STK33: variants seen among roughly 807,000 people sequenced by gnomAD.
The protein encoded by STK33 is serine/threonine-protein kinase 33.
In STK33, 52 loss-of-function variants were observed where a neutral mutation model predicts 58.0. The ratio of observed to expected loss-of-function variants is 0.90; its 90% CI spans 0.72 to 1.13. The LOEUF is 1.13. Ranked by LOEUF, STK33 falls within the 50% of genes most tolerant of loss-of-function variation. The pLI is 0.00. For synonymous variants in STK33, 215 were observed against 200.1 expected (o/e 1.07, Z -0.63); for missense variants, 630 against 604.2 (o/e 1.04, Z -0.45).
the STK33 span, among the ~76,000 whole-genome samples, chr11:8,358,935 G>C: frequency 6.6e-6 from 1 of 152,192 alleles, no homozygotes; most frequent in Non-Finnish European, 1.5e-5. Flanking sequence ...GTGAGCATCA[G>C]CAATGGGACA....
rs185363886 is a variant in STK33, at chr11:8,492,164, G to C, written c.-465-11550C>G. 5.5e-4 allele frequency among the ~76,000 whole-genome samples: 84 copies of C among 152,218 alleles called. 1 individual carries two copies. The highest frequency in any genetic ancestry group is 1.9e-3 in the African/African-American group (80 of 41,520). On this transcript the variant is annotated intron_variant, in intron 1 of 15. Transcript: ENST00000687296. ...CACAGACTGGCCAATGAGATAAAGA[G>C]TCAAGACCCATCAGTGTGCTGTATT...
In STK33 at chr11:8,532,452, T is replaced by TG. The variant is rs1954629278; in HGVS notation, c.-465-51839_-465-51838insC. Among the ~76,000 whole-genome samples, 4 of 152,360 alleles carry TG rather than the reference T, an allele frequency of 2.6e-5. No individual in the cohort carries two copies. In the East Asian group the frequency reaches 5.8e-4, roughly 22 times the overall value. On this transcript the variant is annotated intron_variant, in intron 1 of 15. Coordinates refer to ENST00000687296, the MANE Select transcript of STK33 (RefSeq NM_001352389.2). ...ACCTAAAATACTTGCCATCTGGCCCTTTGCCCAAAAAGTTTACCGTGCCCT... is the reference window on the plus strand; with the variant it reads ...ACCTAAAATACTTGCCATCTGGCCCTGTTGCCCAAAAAGTTTACCGTGCCCT...
At chr11:8,423,013 T>A (rs1230537627) in intron 14 of STK33, among the ~76,000 whole-genome samples, 2 of 149,190 alleles carry the variant, frequency 1.3e-5, no homozygotes, top group Non-Finnish European at 3.0e-5. Flanking sequence ...GCTGATTTTT[T>A]AAATTTTTTG....
At chr11:8,429,237 C>A (rs941122238) in intron 14 of STK33, among the ~76,000 whole-genome samples, 1 of 152,076 alleles carries the variant, frequency 6.6e-6, no homozygotes, top group Non-Finnish European at 1.5e-5. Flanking sequence ...ATAAATTATA[C>A]CCCTTGCAAT....
rs531324767 is a variant in STK33, at chr11:8,425,840, G to A, written c.1146+9654C>T. Among the ~76,000 whole-genome samples the A allele has an allele frequency of 2.6e-5, 4 of 152,206 alleles. No individual in the cohort carries two copies. In the South Asian group the frequency reaches 8.3e-4, roughly 32 times the overall value. ...ATCCCCTTGGCAGGGCATGCAGTGGGGGGTGTGGCTCGCTTCTTCTGTGTC... is the reference window on the plus strand; with the variant it reads ...ATCCCCTTGGCAGGGCATGCAGTGGAGGGTGTGGCTCGCTTCTTCTGTGTC... On this transcript the variant is annotated intron_variant, in intron 14 of 15. Coordinates refer to ENST00000687296, the MANE Select transcript of STK33 (RefSeq NM_001352389.2).
intron 11 of STK33, among the ~76,000 whole-genome samples, chr11:8,443,755 T>A (rs1215770850): frequency 6.6e-6 from 1 of 152,146 alleles, no homozygotes; most frequent in African/African-American, 2.4e-5. Context: ...TCCCAGCACT[T>A]TGGGAGGCCA....
At chr11:8,375,694 TG>T in the STK33 span, among the ~76,000 whole-genome samples, 1 of 151,956 alleles carries the variant, frequency 6.6e-6, no homozygotes, top group South Asian at 2.1e-4. Context: ...TTCATGATAG[TG>T]AGTTCTTACG....
At chr11:8,440,263 G>C (rs1944572578) in intron 12 of STK33, among the ~76,000 whole-genome samples, 1 of 152,018 alleles carries the variant, frequency 6.6e-6, no homozygotes, top group Admixed American at 6.6e-5. Context: ...CCTCTGCCTA[G>C]TTAGTGCCCA....
intron 4 of STK33, chr11:8,475,427 G>A (rs1949177337): frequency 6.6e-6 from 1 of 152,216 alleles, no homozygotes; most frequent in African/African-American, 2.4e-5. Context: ...ATTTCTTAAT[G>A]TGGGTTGTGG....
At chr11:8,571,723 C>T (rs943096938) in intron 1 of STK33, among the ~76,000 whole-genome samples, 1 of 151,570 alleles carries the variant, frequency 6.6e-6, no homozygotes, top group East Asian at 1.9e-4. Context: ...GTCCCAGCTA[C>T]TCAGCAGGCT....
chr11:8,555,035 T>C (rs1253451186), intron 1 of STK33: 1 of 152,128 alleles, frequency 6.6e-6, no homozygotes, highest in Non-Finnish European at 1.5e-5. Context: ...CTCATAGGGC[T>C]GTAGGGGATC....
intron 1 of STK33, among the ~76,000 whole-genome samples, chr11:8,531,263 CATAA>C (rs1472505939): frequency 2.0e-5 from 3 of 152,052 alleles, no homozygotes; most frequent in African/African-American, 7.2e-5. Flanking sequence ...ATAAAAAATT[CATAA>C]ATACAGGTAA....
intron 1 of STK33, among the ~76,000 whole-genome samples, chr11:8,592,819 T>TG (rs922418201): frequency 6.6e-6 from 1 of 152,140 alleles, no homozygotes; most frequent in Admixed American, 6.5e-5. Context: ...TAGAGGAGGT[T>TG]GGGGGGTAGC....
intron 1 of STK33, among the ~76,000 whole-genome samples, chr11:8,533,059 A>G (rs1031854805): frequency 6.6e-6 from 1 of 152,250 alleles, no homozygotes; most frequent in Non-Finnish European, 1.5e-5. Context: ...TGCTCTTGAA[A>G]GAATATGAAT....
In STK33 at chr11:8,452,867, T is replaced by G. The variant is rs749665434; in HGVS notation, c.826A>C (p.Ser276Arg). The G allele has an allele frequency of 8.1e-6, 13 of 1,614,172 alleles. No individual in the cohort carries two copies. The highest frequency in any genetic ancestry group is 1.1e-5 in the Non-Finnish European group (13 of 1,180,018). ...CATGTGGCCTGCAGCATGGCTTCACTCCTACTTTGCTTCTTCACCGCTAAG... is the reference window on the plus strand; with the variant it reads ...CATGTGGCCTGCAGCATGGCTTCACGCCTACTTTGCTTCTTCACCGCTAAG... ...FGLAVKKQSR[S>R]EAMLQATCGT... The change falls in exon 11 of 16, where the codon AGT (serine) becomes CGT (arginine). Residue 276 changes from serine (S) to arginine (R), a missense_variant. By Grantham distance (110) the Ser-to-Arg change is moderately radical. Transcript: ENST00000687296.
intron 14 of STK33, among the ~76,000 whole-genome samples, chr11:8,429,305 C>T (rs77168989): frequency 0.063 from 9,516 of 152,144 alleles, 465 homozygotes; most frequent in East Asian, 0.27. Context: ...TGAGAAGACT[C>T]GTCATTTTTC....
chr11:8,534,651 T>C (rs1460633227), intron 1 of STK33, among the ~76,000 whole-genome samples: 3 of 150,316 alleles, frequency 2.0e-5, no homozygotes, highest in Admixed American at 1.3e-4. Flanking sequence ...TTGGAACTCA[T>C]TGTTCTAAGG....
chr11:8,477,556 A>C (rs573340460), intron 2 of STK33, among the ~76,000 whole-genome samples: 44 of 152,322 alleles, frequency 2.9e-4, no homozygotes, highest in Admixed American at 1.8e-3. Context: ...CTTTCATGAT[A>C]AACAGTACTC....
At chr11:8,387,293 A>G (rs1200273263), downstream of STK33, among the ~76,000 whole-genome samples, 2 of 152,194 alleles carry the variant, frequency 1.3e-5, no homozygotes, top group Non-Finnish European at 2.9e-5. Context: ...GCTTAGGCCT[A>G]AAGAGTAGGG....
Sources: gnomAD v4.1 joint callset for allele counts (sites outside exome capture counted in the v4.1 genomes callset) on GRCh38, gnomAD v4.1.1 for gene constraint, MANE v1.5 for transcripts, NCBI Gene and HGNC (gene_info 2026-07-23, HGNC 2026-07-21) for gene names.